The following VWDE variants were observed in gnomAD, a reference collection of about 807,000 sequenced individuals.
The protein encoded by VWDE is von Willebrand factor D and EGF domains, also known as von Willebrand factor D and EGF domain-containing protein.
In VWDE, 207 loss-of-function variants were observed where a neutral mutation model predicts 178.4. The observed-to-expected ratio is 1.16, with a 90% CI of 1.04 to 1.30. The LOEUF (loss-of-function observed/expected upper bound fraction) is 1.30, where lower values mean the gene tolerates loss of function less well. VWDE is among the 50% of genes most tolerant of loss of function. The pLI is 0.00. For missense variants in VWDE, 2,287 were observed against 1,901.3 expected (o/e 1.20, Z -3.77); for synonymous variants, 738 against 651.4 (o/e 1.13, Z -2.02).
Position 12,377,822 on chromosome 7 carries a change from A to C in VWDE, c.978T>G (p.Leu326=). 1 of 1,530,214 alleles carries C rather than the reference A, an allele frequency of 6.5e-7. No homozygotes were observed. The highest frequency in any genetic ancestry group is 8.8e-7 in the Non-Finnish European group (1 of 1,135,714). The allele number at this position is 1,530,214 out of a possible 1,614,324, so 94.8% of individuals were successfully genotyped here. A position where few individuals can be genotyped will look rare whatever the true frequency, so the allele number is the denominator to read the frequency against. The change falls in exon 7 of 29, where the codon CTT becomes CTG. Residue 326 remains leucine, a synonymous_variant. Transcript: ENST00000275358. ...TTAATGAGATTTTGCATTCTTGATC[A>C]AGCTCACTAAATTCAGAACAAATAA... ...VPIICSEFSE[L]DQECKISLKL...
intron 7 of VWDE, among the ~76,000 whole-genome samples, chr7:12,376,651 T>C (rs2128557303): frequency 6.6e-6 from 1 of 152,222 alleles, no homozygotes; most frequent in South Asian, 2.1e-4. Flanking sequence ...ATTTGCATAA[T>C]ACACTTTTCA....
chr7:12,340,303 A>G lies in VWDE; in HGVS notation c.4366+19T>C, dbSNP rs1187600189. ...AACTTTCCATTTGCCCTTTTTACAT[A>G]CAAAGAAAGAATAATTACCATTCTG... On this transcript the variant is annotated intron_variant, in intron 24 of 28. Transcript: ENST00000275358. 1.1e-5 allele frequency: 17 copies of G among 1,533,266 alleles called. No homozygotes were observed. The highest frequency in any genetic ancestry group is 1.1e-5 in the Non-Finnish European group (13 of 1,132,078). 95.0% of individuals were successfully genotyped at this position (1,533,266 alleles called of 1,614,324 possible). A position where few individuals can be genotyped will look rare whatever the true frequency, so the allele number is the denominator to read the frequency against.
intron 27 of VWDE, among the ~76,000 whole-genome samples, chr7:12,335,615 C>G (rs1780977454): frequency 6.6e-6 from 1 of 151,980 alleles, no homozygotes; most frequent in African/African-American, 2.4e-5. Context: ...GCCACCACGC[C>G]TGGCTAATTT....
intron 10 of VWDE, among the ~76,000 whole-genome samples, chr7:12,371,487 G>A (rs1439574010): frequency 9.2e-5 from 14 of 152,076 alleles, no homozygotes; most frequent in East Asian, 1.9e-4. Context: ...GATGTACTGT[G>A]TATGTGGAGA....
intron 13 of VWDE, among the ~76,000 whole-genome samples, chr7:12,364,547 G>T (rs1173763749): frequency 6.6e-6 from 1 of 152,086 alleles, no homozygotes; most frequent in Non-Finnish European, 1.5e-5. Context: ...AAGAATGATA[G>T]CATTGAGTTA....
chr7:12,374,562 A>T (rs948882809), intron 9 of VWDE, 127 bp downstream of exon 9: 12 of 612,726 alleles, frequency 2.0e-5, no homozygotes, highest in Non-Finnish European at 2.8e-5. Context: ...GAAACAAGCC[A>T]GTAATGCCTT....
chr7:12,384,338 G>A (rs1228897505), intron 3 of VWDE, among the ~76,000 whole-genome samples: 1 of 151,956 alleles, frequency 6.6e-6, no homozygotes, highest in Non-Finnish European at 1.5e-5. Context: ...GGTTGTCTGG[G>A]GTTGAGAGGA....
intron 7 of VWDE, among the ~76,000 whole-genome samples, chr7:12,376,178 G>A (rs1264474034): frequency 6.6e-6 from 1 of 151,998 alleles, no homozygotes; most frequent in East Asian, 1.9e-4. Context: ...TCTCTAAGGT[G>A]AATACAGAAT....
At chr7:12,338,762 G>C (rs1336227059) in intron 24 of VWDE, among the ~76,000 whole-genome samples, 2 of 152,132 alleles carry the variant, frequency 1.3e-5, no homozygotes, top group Non-Finnish European at 2.9e-5. Context: ...TGAAATCCAA[G>C]AGGTGAAGCA....
intron 28 of VWDE, among the ~76,000 whole-genome samples, chr7:12,332,741 G>T (rs1422646527): frequency 6.6e-6 from 1 of 152,086 alleles, no homozygotes; most frequent in Admixed American, 6.6e-5. Context: ...TGACACCAGT[G>T]CTCGGAGAAA....
At chr7:12,339,877 A>G (rs2128545906) in intron 24 of VWDE, among the ~76,000 whole-genome samples, 1 of 152,248 alleles carries the variant, frequency 6.6e-6, no homozygotes, top group African/African-American at 2.4e-5. Flanking sequence ...ATGTCTCTGT[A>G]TCTTCTTGCG....
intron 19 of VWDE, among the ~76,000 whole-genome samples, chr7:12,347,548 A>G (rs1451435972): frequency 1.3e-5 from 2 of 152,138 alleles, no homozygotes; most frequent in African/African-American, 4.8e-5. Flanking sequence ...AAAGACTATT[A>G]GAAAATAATA....
At chr7:12,336,915 GCT>G in intron 26 of VWDE, 71 bp downstream of exon 26, 2 of 1,353,368 alleles carry the variant, frequency 1.5e-6, no homozygotes, top group Non-Finnish European at 2.0e-6. Flanking sequence ...TGAAAAAAAT[GCT>G]CTGTTTTAAA....
rs1433543687 is a variant in VWDE at position 12,370,826 on chromosome 7, A to G, written c.1626T>C (p.Leu542=). The G allele has an allele frequency of 1.3e-6, 2 of 1,550,710 alleles. No individual in the cohort carries two copies. Among genetic ancestry groups the G allele is most frequent in the African/African-American group, 2.7e-5 (2 of 72,990 alleles). The part of the protein sequence containing the change: ...FSSGAFIRAD[L]GEWGMSLTIR... ...TCGTTAGACTCATGCCCCATTCACC[A>G]AGATCAGCACGGATAAATGCCCCAG... Residue 542 remains leucine, a synonymous_variant, in exon 11 of 29, where the codon CTT becomes CTC. Coordinates refer to ENST00000275358, the MANE Select transcript of VWDE (RefSeq NM_001135924.3).
At position 12,370,527 on chromosome 7, in the gene VWDE, G is replaced by T; in HGVS notation, c.1797-18C>A. On this transcript the variant is annotated intron_variant, in intron 11 of 28. Coordinates refer to ENST00000275358, the MANE Select transcript of VWDE (RefSeq NM_001135924.3). The stretch of plus-strand genomic sequence containing the variant: ...GTAAAATCCTTCCAGATGGAAAACA[G>T]GAAAGAATAGTAATTTTGTACATAA... 1 of 1,532,316 alleles carries T rather than the reference G, an allele frequency of 6.5e-7. No homozygotes were observed. Among genetic ancestry groups the T allele is most frequent in the Non-Finnish European group, 8.8e-7 (1 of 1,140,524 alleles). 94.9% of individuals were successfully genotyped at this position (1,532,316 alleles called of 1,614,324 possible).
chr7:12,391,491 G>A (rs558557206), intron 2 of VWDE, among the ~76,000 whole-genome samples: 4 of 152,174 alleles, frequency 2.6e-5, no homozygotes, highest in African/African-American at 9.7e-5. Context: ...CTACACATTC[G>A]TGTGAGGTTC....
chr7:12,335,570 C>T (rs1468278156), intron 27 of VWDE, among the ~76,000 whole-genome samples: 1 of 152,148 alleles, frequency 6.6e-6, no homozygotes, highest in Non-Finnish European at 1.5e-5. Flanking sequence ...ATTCTCCTGC[C>T]TCAGACTCCT....
Position 12,333,490 on chromosome 7 carries a change from C to T in VWDE, c.4733G>A (p.Gly1578Glu), listed in dbSNP as rs1444282321. 9 of 1,549,266 alleles carry T rather than the reference C, an allele frequency of 5.8e-6. No homozygotes were observed. Among genetic ancestry groups the T allele is most frequent in the Non-Finnish European group, 7.9e-6 (9 of 1,145,572 alleles). Residue 1578 changes from glycine to glutamate, a missense_variant, in exon 28 of 29, where the codon GGA (glycine) becomes GAA (glutamate). Coordinates refer to ENST00000275358, the MANE Select transcript of VWDE (RefSeq NM_001135924.3). The part of the protein sequence containing the change: ...NVCSCRTEYS[G>E]VKCEKKIQIR... ...CTGTATTTTCTTCTCACATTTGACT[C>T]CAGAGTATTCAGTGCGGCAGGAACA...
rs145871228 is a variant in VWDE, at chr7:12,353,483, T to C, written c.3746-1770A>G. Among the ~76,000 whole-genome samples, 146 of 152,254 alleles carry C rather than the reference T, an allele frequency of 9.6e-4. 1 individual carries two copies. In the Middle Eastern group the frequency reaches 0.01, roughly 11 times the overall value. ...AATTCTACACACCCATTCACTAAAA[T>C]CAAACACTTAAAACTTAATGAATCT... On this transcript the variant is annotated intron_variant, in intron 18 of 28. Transcript: ENST00000275358.
Sources: gnomAD v4.1 joint callset for allele counts (sites outside exome capture counted in the v4.1 genomes callset) on GRCh38, gnomAD v4.1.1 for gene constraint, MANE v1.5 for transcripts, NCBI Gene and HGNC (gene_info 2026-07-23, HGNC 2026-07-21) for gene names.